Variants in RPS6KC1 observed in about 807,000 individuals in gnomAD.
RPS6KC1 encodes inactive ribosomal protein S6 kinase delta-1.
Under a neutral mutation model 103.8 loss-of-function variants are expected in RPS6KC1, and 54 were observed. That is an observed-to-expected ratio of 0.52 (90% CI 0.42 to 0.65). RPS6KC1 has a LOEUF of 0.65. Ranked by LOEUF, RPS6KC1 falls within the 30% of genes least tolerant of loss-of-function variation. The pLI, the probability that RPS6KC1 is intolerant of heterozygous loss-of-function variation, is 0.00. For synonymous variants in RPS6KC1, 439 were observed against 438.7 expected (o/e 1.00, Z -0.01); for missense variants, 1,151 against 1,253.8 (o/e 0.92, Z 1.24).
the RPS6KC1 span, among the ~76,000 whole-genome samples, chr1:213,660,065 C>G: frequency 1.3e-5 from 2 of 152,078 alleles, no homozygotes; most frequent in Admixed American, 6.6e-5. Context: ...TGTGGTGGCC[C>G]CTAGGTATTC....
At chr1:213,259,352 G>C (rs2094725295) in intron 12 of RPS6KC1, among the ~76,000 whole-genome samples, 3 of 152,366 alleles carry the variant, frequency 2.0e-5, no homozygotes, top group South Asian at 4.1e-4. Flanking sequence ...CTGAGCTCAG[G>C]AGTTCGAGAA....
chr1:213,195,095 T>C (rs929467774), intron 8 of RPS6KC1, among the ~76,000 whole-genome samples: 1 of 152,136 alleles, frequency 6.6e-6, no homozygotes. Flanking sequence ...AACACTTTTG[T>C]TTTTTAATTT....
chr1:213,404,131 T>C, the RPS6KC1 span, among the ~76,000 whole-genome samples: 480 of 152,216 alleles, frequency 3.2e-3, 2 homozygotes, highest in African/African-American at 0.011. Context: ...CTCCTGTGCG[T>C]AGATAACACC....
At chr1:213,763,989 C>T in the RPS6KC1 span, among the ~76,000 whole-genome samples, 12 of 152,198 alleles carry the variant, frequency 7.9e-5, no homozygotes, top group East Asian at 1.9e-4. Context: ...TTTATTCATA[C>T]GAATCCGTTA....
intron 3 of RPS6KC1, among the ~76,000 whole-genome samples, chr1:213,083,280 A>C (rs2080074099): frequency 6.6e-6 from 1 of 152,248 alleles, no homozygotes; most frequent in Non-Finnish European, 1.5e-5. Flanking sequence ...TGGAACCAGT[A>C]GCTCAGAGGG....
chr1:213,771,517 G>A, the RPS6KC1 span, among the ~76,000 whole-genome samples: 1 of 152,280 alleles, frequency 6.6e-6, no homozygotes, highest in African/African-American at 2.4e-5. Flanking sequence ...CAACACCTCC[G>A]GAGGAGAGGG....
the RPS6KC1 span, among the ~76,000 whole-genome samples, chr1:213,436,901 G>T: frequency 6.6e-6 from 1 of 152,022 alleles, no homozygotes; most frequent in Admixed American, 6.6e-5. Context: ...TTTATCTGTG[G>T]ATTATTTTTG....
the RPS6KC1 span, among the ~76,000 whole-genome samples, chr1:213,591,526 T>G: frequency 1.3e-5 from 2 of 152,312 alleles, no homozygotes; most frequent in Admixed American, 1.3e-4. Flanking sequence ...GTTGTAACAA[T>G]GGCACTGCAG....
At chr1:213,536,954 A>C in the RPS6KC1 span, among the ~76,000 whole-genome samples, 7 of 152,196 alleles carry the variant, frequency 4.6e-5, no homozygotes, top group Non-Finnish European at 8.8e-5. Flanking sequence ...GTGGTGGGCT[A>C]GACATGATAT....
At chr1:213,854,097 G>A in the RPS6KC1 span, among the ~76,000 whole-genome samples, 7 of 152,228 alleles carry the variant, frequency 4.6e-5, no homozygotes, top group Non-Finnish European at 1.0e-4. Context: ...TGGCAAGAAA[G>A]CGGGAGATGT....
intron 8 of RPS6KC1, among the ~76,000 whole-genome samples, chr1:213,199,915 G>A (rs562972309): frequency 6.6e-6 from 1 of 152,024 alleles, no homozygotes; most frequent in South Asian, 2.1e-4. Context: ...AATACCTAGG[G>A]ATAAAGCTAA....
At position 213,273,810 on chromosome 1, in the gene RPS6KC1, A is replaced by G. The variant is rs2095092634; in HGVS notation, c.*1176A>G. 6.6e-6 allele frequency: 1 copy of G among 152,252 alleles called. No homozygotes were observed. The highest frequency in any genetic ancestry group is 1.5e-5 in the Non-Finnish European group (1 of 68,050). The allele number at this position is 152,252 out of a possible 1,614,324, so 9.4% of individuals were successfully genotyped here. A position where few individuals can be genotyped will look rare whatever the true frequency, so the allele number is the denominator to read the frequency against. Reference sequence around the variant, plus strand: ...TTATGCATTGTTGCAAAAATTTACAAATGTTTTAAAAGTGTTAACATCTGT... The same window carrying G: ...TTATGCATTGTTGCAAAAATTTACAGATGTTTTAAAAGTGTTAACATCTGT... On this transcript the variant is annotated 3_prime_UTR_variant, in exon 15 of 15. Transcript: ENST00000366960.
At chr1:213,753,982 G>A in the RPS6KC1 span, among the ~76,000 whole-genome samples, 2 of 152,256 alleles carry the variant, frequency 1.3e-5, no homozygotes, top group Admixed American at 6.5e-5. Context: ...CCCTGGGAGG[G>A]CGGAGAACAC....
chr1:213,330,265 T>C, the RPS6KC1 span, among the ~76,000 whole-genome samples: 4 of 152,244 alleles, frequency 2.6e-5, no homozygotes, highest in Admixed American at 2.6e-4. Context: ...CGACCTTCTA[T>C]CTGTAAATGC....
chr1:213,117,696 G>T (rs758546350), intron 5 of RPS6KC1, among the ~76,000 whole-genome samples: 1 of 151,502 alleles, frequency 6.6e-6, no homozygotes, highest in Non-Finnish European at 1.5e-5. Context: ...ATGGTATAAT[G>T]AGTAGTTCAG....
chr1:213,600,649 C>T, the RPS6KC1 span, among the ~76,000 whole-genome samples: 12 of 152,146 alleles, frequency 7.9e-5, no homozygotes, highest in Non-Finnish European at 1.3e-4. Flanking sequence ...CTATCCCCAC[C>T]TTAAGATTAC....
chr1:213,372,825 C>T, the RPS6KC1 span, among the ~76,000 whole-genome samples: 1 of 151,982 alleles, frequency 6.6e-6, no homozygotes, highest in African/African-American at 2.4e-5. Context: ...CACACACATG[C>T]ACACACAATG....
At chr1:213,809,865 A>G in the RPS6KC1 span, among the ~76,000 whole-genome samples, 1 of 152,182 alleles carries the variant, frequency 6.6e-6, no homozygotes. Context: ...TTTCTAAACC[A>G]ATTGTGATTA....
At chr1:213,736,831 C>T in the RPS6KC1 span, among the ~76,000 whole-genome samples, 332 of 152,312 alleles carry the variant, frequency 2.2e-3, no homozygotes, top group Non-Finnish European at 3.7e-3. Context: ...GAGGATAGTT[C>T]GCCACCCTAA....
Sources: gnomAD v4.1 joint callset for allele counts (sites outside exome capture counted in the v4.1 genomes callset) on GRCh38, gnomAD v4.1.1 for gene constraint, MANE v1.5 for transcripts, NCBI Gene and HGNC (gene_info 2026-07-23, HGNC 2026-07-21) for gene names.